The following TBC1D12 variants were observed in gnomAD, a reference collection of about 807,000 sequenced individuals.
TBC1D12 encodes TBC1 domain family member 12.
A neutral mutation model predicts 86.7 loss-of-function variants in TBC1D12; 56 were observed. The ratio of observed to expected loss-of-function variants is 0.65; its 90% CI spans 0.52 to 0.81. The LOEUF (loss-of-function observed/expected upper bound fraction) is 0.81, where lower values mean the gene tolerates loss of function less well. Ranked by LOEUF, TBC1D12 falls within the 30% of genes least tolerant of loss-of-function variation. The pLI is 0.00. For missense variants in TBC1D12, 1,023 were observed against 1,038.8 expected (o/e 0.98, Z 0.21); for synonymous variants, 421 against 411.7 (o/e 1.02, Z -0.27).
chr10:94,422,659 C>G (rs1297617988), intron 1 of TBC1D12, among the ~76,000 whole-genome samples: 1 of 152,186 alleles, frequency 6.6e-6, no homozygotes, highest in East Asian at 1.9e-4. Flanking sequence ...ACTGCAACCT[C>G]AAACTCCTGC....
Position 94,403,245 on chromosome 10 carries a change from A to C in TBC1D12, c.632A>C (p.Glu211Ala). 1 of 1,507,286 alleles carries C rather than the reference A, an allele frequency of 6.6e-7. No individual in the cohort carries two copies. Among genetic ancestry groups the C allele is most frequent in the Non-Finnish European group, 8.9e-7 (1 of 1,129,652 alleles). The allele number at this position is 1,507,286 out of a possible 1,614,324, so 93.4% of individuals were successfully genotyped here. The change falls in exon 1 of 13, where the codon GAG becomes GCG. Residue 211 changes from glutamate to alanine, a missense_variant. Coordinates refer to ENST00000225235, the MANE Select transcript of TBC1D12 (RefSeq NM_015188.2). ...SCCLVAADAQ[E>A]PEGAGSDSGD... ...TGCCTGGTGGCCGCGGACGCCCAGG[A>C]GCCCGAGGGCGCGGGCAGCGACTCG...
intron 11 of TBC1D12, among the ~76,000 whole-genome samples, chr10:94,530,703 G>A (rs905519864): frequency 2.0e-5 from 3 of 152,026 alleles, no homozygotes; most frequent in South Asian, 2.1e-4. Flanking sequence ...TCAAATTCAG[G>A]CATTCTGGTT....
chr10:94,404,120 T>G (rs1264375218), intron 1 of TBC1D12, among the ~76,000 whole-genome samples: 3 of 152,212 alleles, frequency 2.0e-5, no homozygotes, highest in Non-Finnish European at 2.9e-5. Flanking sequence ...TGGGAATTCT[T>G]GAAATTAGAA....
chr10:94,453,412 AGT>A (rs1156565679), intron 2 of TBC1D12, among the ~76,000 whole-genome samples: 1 of 152,164 alleles, frequency 6.6e-6, no homozygotes, highest in African/African-American at 2.4e-5. Flanking sequence ...TGCATATGTG[AGT>A]GTGTGAGAGA....
intron 6 of TBC1D12, among the ~76,000 whole-genome samples, chr10:94,504,682 A>T (rs1239708047): frequency 1.3e-5 from 2 of 152,208 alleles, no homozygotes; most frequent in African/African-American, 4.8e-5. Context: ...TGGGCATATT[A>T]CTTAACATCT....
At chr10:94,456,004 C>T (rs1374959232) in intron 2 of TBC1D12, among the ~76,000 whole-genome samples, 1 of 151,692 alleles carries the variant, frequency 6.6e-6, no homozygotes. Context: ...TTTTAATGTC[C>T]TTGGGCTCTG....
chr10:94,506,414 G>A (rs1476305503), intron 6 of TBC1D12, among the ~76,000 whole-genome samples: 5 of 152,110 alleles, frequency 3.3e-5, no homozygotes, highest in African/African-American at 1.2e-4. Flanking sequence ...AGAATTAATT[G>A]AAGCAAAAAA....
intron 3 of TBC1D12, among the ~76,000 whole-genome samples, chr10:94,478,381 G>T (rs2056025485): frequency 6.6e-6 from 1 of 152,168 alleles, no homozygotes; most frequent in Admixed American, 6.5e-5. Flanking sequence ...GCCAGTAGGT[G>T]GTTAGAAATC....
intron 1 of TBC1D12, among the ~76,000 whole-genome samples, chr10:94,419,388 T>A (rs1564937853): frequency 6.6e-6 from 1 of 152,034 alleles, no homozygotes; most frequent in Non-Finnish European, 1.5e-5. Flanking sequence ...CAATAAAACT[T>A]AAAAGGCCGG....
chr10:94,403,602 T>A lies in TBC1D12; in HGVS notation c.971+18T>A, dbSNP rs2054804333. ...TTCACCAGGTACAGCGCAGGCTGCA[T>A]GGGACTCGGGGCGGGTCCGGGGCCG... On this transcript the variant is annotated intron_variant, in intron 1 of 12. Coordinates refer to ENST00000225235, the MANE Select transcript of TBC1D12 (RefSeq NM_015188.2). 2 of 1,436,436 alleles carry A rather than the reference T, an allele frequency of 1.4e-6. No homozygotes were observed. The highest frequency in any genetic ancestry group is 1.8e-6 in the Non-Finnish European group (2 of 1,102,988). The allele number at this position is 1,436,436 out of a possible 1,614,324, so 89.0% of individuals were successfully genotyped here. A position where few individuals can be genotyped will look rare whatever the true frequency, so the allele number is the denominator to read the frequency against.
chr10:94,475,200 C>T (rs2055971122), intron 3 of TBC1D12, among the ~76,000 whole-genome samples: 3 of 152,180 alleles, frequency 2.0e-5, no homozygotes, highest in South Asian at 4.1e-4. Flanking sequence ...TCTGCTCCTC[C>T]ATCTTAACAT....
intron 2 of TBC1D12, among the ~76,000 whole-genome samples, chr10:94,447,420 G>T (rs1048102211): frequency 6.6e-6 from 1 of 152,056 alleles, no homozygotes; most frequent in Non-Finnish European, 1.5e-5. Flanking sequence ...GAAAGAATCT[G>T]TTAAATATTT....
chr10:94,531,862 A>ATATGT (rs71031585), intron 12 of TBC1D12, among the ~76,000 whole-genome samples: 22,145 of 83,260 alleles, frequency 0.27, 4,766 homozygotes, highest in Non-Finnish European at 0.3. Context: ...ATTTTATTTT[A>ATATGT]TATGTTATGT....
chr10:94,488,215 G>A (rs770792494), intron 3 of TBC1D12, among the ~76,000 whole-genome samples: 1 of 150,770 alleles, frequency 6.6e-6, no homozygotes, highest in Admixed American at 6.6e-5. Flanking sequence ...GTGAAACCCT[G>A]TCCCTACTAA....
rs187809066 is a variant in TBC1D12 at position 94,459,022 on chromosome 10, A to C, written c.1096-15646A>C. On this transcript the variant is annotated intron_variant, in intron 2 of 12. Transcript: ENST00000225235. ...TTGTTGGCTCAGGTGGCCTGCTTTTATTTCTTTATCTGGCCCCACCCGCAG... is the reference window on the plus strand; with the variant it reads ...TTGTTGGCTCAGGTGGCCTGCTTTTCTTTCTTTATCTGGCCCCACCCGCAG... Among the ~76,000 whole-genome samples, 11 of 152,150 alleles carry C rather than the reference A, an allele frequency of 7.2e-5. No individual in the cohort carries two copies. In the East Asian group the frequency reaches 1.6e-3, roughly 21 times the overall value.
chr10:94,482,565 C>T (rs2056093110), intron 3 of TBC1D12, among the ~76,000 whole-genome samples: 1 of 152,010 alleles, frequency 6.6e-6, no homozygotes, highest in Non-Finnish European at 1.5e-5. Flanking sequence ...ATTCTCCTGC[C>T]TCAGCCTCCC....
chr10:94,518,415 A>G (rs1842058559), intron 9 of TBC1D12, among the ~76,000 whole-genome samples: 1 of 150,968 alleles, frequency 6.6e-6, no homozygotes, highest in African/African-American at 2.5e-5. Flanking sequence ...AGTCAGGGTC[A>G]TGTGTGGTAT....
intron 1 of TBC1D12, among the ~76,000 whole-genome samples, chr10:94,419,000 G>A (rs1260885536): frequency 6.6e-6 from 1 of 151,804 alleles, no homozygotes; most frequent in South Asian, 2.1e-4. Context: ...TCAGCCTCCC[G>A]AGTAGCTGGG....
intron 3 of TBC1D12, among the ~76,000 whole-genome samples, chr10:94,490,957 G>T (rs35602247): frequency 0.21 from 31,108 of 151,656 alleles, 3,334 homozygotes; most frequent in South Asian, 0.34. Context: ...ACTCTCTGCA[G>T]CTCCCTTCTT....
Sources: allele counts gnomAD v4.1 joint callset (sites outside exome capture counted in the v4.1 genomes callset), GRCh38; gene constraint gnomAD v4.1.1; transcripts MANE v1.5; gene names NCBI Gene and HGNC (gene_info 2026-07-23, HGNC 2026-07-21).